The following KIR3DL3 variants were observed in gnomAD, a reference collection of about 807,000 sequenced individuals.
The protein encoded by KIR3DL3 is killer cell immunoglobulin like receptor, three Ig domains and long cytoplasmic tail 3.
Under a neutral mutation model 34.9 loss-of-function variants are expected in KIR3DL3, and 27 were observed. The ratio of observed to expected loss-of-function variants is 0.77; its 90% CI spans 0.57 to 1.07. The LOEUF (loss-of-function observed/expected upper bound fraction) is 1.07, where lower values mean the gene tolerates loss of function less well. Ranked by LOEUF, KIR3DL3 falls within the 50% of genes least tolerant of loss-of-function variation. KIR3DL3 has a pLI of 0.00. For synonymous variants in KIR3DL3, 217 were observed against 200.2 expected, an observed-to-expected ratio of 1.08 and a Z score of -0.71; for missense variants, 681 against 528.5, an observed-to-expected ratio of 1.29 and a Z score of -2.83.
intron 5 of KIR3DL3, among the ~76,000 whole-genome samples, chr19:54,731,091 C>T (rs1208679157): frequency 0.014 from 2,193 of 151,896 alleles, 56 homozygotes; most frequent in African/African-American, 0.05. Context: ...ACTGCAACCT[C>T]CACCTCCAGG....
At chr19:54,735,514 C>A (rs1156844041) in intron 6 of KIR3DL3, among the ~76,000 whole-genome samples, 157 bp downstream of exon 6, 4 of 134,812 alleles carry the variant, frequency 3.0e-5, no homozygotes, top group African/African-American at 1.2e-4. Flanking sequence ...GACTCCCTGC[C>A]TCTGCCTTCA....
chr19:54,726,136 C>A lies in KIR3DL3; in HGVS notation c.154C>A (p.Arg52Ser). Residue 52 changes from arginine to serine, a missense_variant, in exon 3 of 8, where the codon CGT (arginine) becomes AGT (serine). Physicochemically the swap from Arg to Ser is moderately radical, Grantham distance 110 (BLOSUM62 -1). Transcript: ENST00000291860. ...ACATGTGACTCTTCAGTGTCGCTCT[C>A]GTCTTGGGTTTAATGAATTCAGTCT... ...GQHVTLQCRS[R>S]LGFNEFSLSK... 6.2e-7 allele frequency: 1 copy of A among 1,613,070 alleles called. No individual in the cohort carries two copies. The highest frequency in any genetic ancestry group is 8.5e-7 in the Non-Finnish European group (1 of 1,179,570).
chr19:54,733,513 A>C (rs1276343930), intron 5 of KIR3DL3, among the ~76,000 whole-genome samples: 1 of 151,800 alleles, frequency 6.6e-6, no homozygotes, highest in African/African-American at 2.4e-5. Flanking sequence ...ACACAGGGGG[A>C]CTCTGTCTCA....
In KIR3DL3 at chr19:54,726,231, C is replaced by T. The variant is rs113216501; in HGVS notation, c.249C>T (p.Gly83=). 0.034 allele frequency: 55,590 copies of T among 1,613,834 alleles called. 1,149 individuals carry two copies. The highest frequency in any genetic ancestry group is 0.082 in the Middle Eastern group (496 of 6,060). Reference sequence around the variant, plus strand: ...TATTCCGGAACAGCTTTCTCATGGGCCCTGTGACCCCAGCACATGCAGGGA... The same window carrying T: ...TATTCCGGAACAGCTTTCTCATGGGTCCTGTGACCCCAGCACATGCAGGGA... The part of the protein sequence containing the change: ...NRIFRNSFLM[G]PVTPAHAGTY... The change falls in exon 3 of 8, where the codon GGC becomes GGT. Residue 83 remains glycine (G), a synonymous_variant. Coordinates refer to ENST00000291860, the MANE Select transcript of KIR3DL3 (RefSeq NM_153443.5).
At position 54,726,163 on chromosome 19, in the gene KIR3DL3, T is replaced by C. The variant is rs1463464552; in HGVS notation, c.181T>C (p.Ser61Pro). 6.2e-7 allele frequency: 1 copy of C among 1,613,044 alleles called. No individual in the cohort carries two copies. The highest frequency in any genetic ancestry group is 1.7e-5 in the Admixed American group (1 of 59,848). Residue 61 changes from serine to proline, a missense_variant, in exon 3 of 8, where the codon TCC (serine) becomes CCC (proline). By Grantham distance (74) the Ser-to-Pro change is moderately conservative (BLOSUM62 -1). Coordinates refer to ENST00000291860, the MANE Select transcript of KIR3DL3 (RefSeq NM_153443.5). ...SRLGFNEFSLSKEDGMPVPEL... is the reference protein window; with the variant it reads ...SRLGFNEFSLPKEDGMPVPEL... ...TCTTGGGTTTAATGAATTCAGTCTG[T>C]CCAAAGAAGACGGGATGCCTGTCCC...
rs371313603 is a variant in KIR3DL3, at chr19:54,735,919, A to G, written c.1107+47A>G. ...CTCGTGGCTAGTCTTATTCCCAAAG[A>G]GTCCTGGAAAATGTGAGCACCCTCC... is the stretch of plus-strand genomic sequence containing the variant. On this transcript the variant is annotated intron_variant, in intron 7 of 7. Transcript: ENST00000291860. 1.6e-5 allele frequency: 26 copies of G among 1,605,444 alleles called. No homozygotes were observed. In the African/African-American group the frequency reaches 2.1e-4, roughly 13 times the overall value.
rs2069583823 is a variant in KIR3DL3, at chr19:54,736,162, G to A, written c.*66G>A. 5.6e-5 allele frequency: 89 copies of A among 1,593,532 alleles called. No individual in the cohort carries two copies. The South Asian group carries it at 8.2e-4, about 15-fold the overall frequency. On this transcript the variant is annotated 3_prime_UTR_variant, in exon 8 of 8. Transcript: ENST00000291860. ...TTCTGTCCACTAGCACCACAGTCAGGCCTTGATGGGATCTTCTAGGGAGAC... is the reference window on the plus strand; with the variant it reads ...TTCTGTCCACTAGCACCACAGTCAGACCTTGATGGGATCTTCTAGGGAGAC...
At chr19:54,728,020 G>A (rs1242145429) in intron 4 of KIR3DL3, 110 bp downstream of exon 4, 6 of 1,122,840 alleles carry the variant, frequency 5.3e-6, no homozygotes, top group Non-Finnish European at 7.7e-6. Context: ...TTCCTATGGA[G>A]AGAAAGTGAC....
chr19:54,734,497 C>A (rs1379765453), intron 5 of KIR3DL3, among the ~76,000 whole-genome samples: 7 of 151,868 alleles, frequency 4.6e-5, no homozygotes, highest in Non-Finnish European at 1.0e-4. Context: ...AGCAGCCCAG[C>A]CTGGGTTTTG....
At chr19:54,735,081 G>A (rs533909615) in intron 5 of KIR3DL3, among the ~76,000 whole-genome samples, 172 bp from the exon 6 acceptor site, 5 of 147,448 alleles carry the variant, frequency 3.4e-5, no homozygotes, top group African/African-American at 1.2e-4. Context: ...TCCTCAGCAC[G>A]TTCTATGGTT....
At chr19:54,734,330 G>T (rs1438819199) in intron 5 of KIR3DL3, among the ~76,000 whole-genome samples, 3 of 151,292 alleles carry the variant, frequency 2.0e-5, no homozygotes, top group Non-Finnish European at 2.9e-5. Flanking sequence ...AGAACACACA[G>T]AGAACACATT....
chr19:54,736,134 G>A lies in KIR3DL3; in HGVS notation c.*38G>A. On this transcript the variant is annotated 3_prime_UTR_variant, in exon 8 of 8. Coordinates refer to ENST00000291860, the MANE Select transcript of KIR3DL3 (RefSeq NM_153443.5). ...AAATGCTGAGCGCAGATCCAAAGTT[G>A]TCTTCTGTCCACTAGCACCACAGTC... 1 of 1,608,270 alleles carries A rather than the reference G, an allele frequency of 6.2e-7. No individual in the cohort carries two copies. The highest frequency in any genetic ancestry group is 8.5e-7 in the Non-Finnish European group (1 of 1,178,232).
Position 54,736,276 on chromosome 19 carries a change from C to G in KIR3DL3, c.*180C>G. ...TGAGTCTGCATCTTAGGGCATCGCTCTTCCTCACACCACGAATCTGAACAT... is the reference window on the plus strand; with the variant it reads ...TGAGTCTGCATCTTAGGGCATCGCTGTTCCTCACACCACGAATCTGAACAT... On this transcript the variant is annotated 3_prime_UTR_variant, in exon 8 of 8. Transcript: ENST00000291860. 1 of 803,032 alleles carries G rather than the reference C, an allele frequency of 1.2e-6. No individual in the cohort carries two copies. Among genetic ancestry groups the G allele is most frequent in the Non-Finnish European group, 2.1e-6 (1 of 482,240 alleles). 49.7% of individuals were successfully genotyped at this position (803,032 alleles called of 1,614,324 possible).
In KIR3DL3 at chr19:54,736,290, G is replaced by A. The variant is rs28715339; in HGVS notation, c.*194G>A. On this transcript the variant is annotated 3_prime_UTR_variant, in exon 8 of 8. Transcript: ENST00000291860. ...AGGGCATCGCTCTTCCTCACACCAC[G>A]AATCTGAACATGCCTCTCTCTTGCT... is the stretch of plus-strand genomic sequence containing the variant. 2.1e-3 allele frequency: 1,524 copies of A among 713,954 alleles called. 43 individuals carry two copies. The highest frequency in any genetic ancestry group is 2.9e-3 in the Non-Finnish European group (1,216 of 419,396). 44.2% of individuals were successfully genotyped at this position (713,954 alleles called of 1,614,324 possible).
At chr19:54,730,586 T>A (rs1182072901) in intron 5 of KIR3DL3, among the ~76,000 whole-genome samples, 3 of 151,680 alleles carry the variant, frequency 2.0e-5, no homozygotes, top group Non-Finnish European at 4.4e-5. Context: ...AATTAATTAA[T>A]TAATTAATTA....
At chr19:54,735,211 C>T (rs1260096003) in intron 5 of KIR3DL3, 42 bp from the exon 6 acceptor site, 2 of 1,338,142 alleles carry the variant, frequency 1.5e-6, no homozygotes, top group South Asian at 1.2e-5. Flanking sequence ...TATAGAGGAA[C>T]TGCTATGATT....
chr19:54,732,215 A>G (rs2068877195), intron 5 of KIR3DL3, among the ~76,000 whole-genome samples: 2 of 151,510 alleles, frequency 1.3e-5, no homozygotes, highest in South Asian at 4.2e-4. Context: ...GCATCTGTGC[A>G]CCAAATCTGG....
chr19:54,727,640 C>T lies in KIR3DL3; in HGVS notation c.385C>T (p.His129Tyr). The change falls in exon 4 of 8, where the codon CAC (histidine) becomes TAC (tyrosine). Residue 129 changes from histidine to tyrosine, a missense_variant. Physicochemically the swap from His to Tyr is moderately conservative, Grantham distance 83. Coordinates refer to ENST00000291860, the MANE Select transcript of KIR3DL3 (RefSeq NM_153443.5). ...GVHRKPSLLA[H>Y]PGPLVKSGET... ...CCACAGAAAACCTTCCCTCCTGGCC[C>T]ACCCAGGTCCCCTGGTGAAATCAGG... The T allele has an allele frequency of 6.2e-7, 1 of 1,611,906 alleles. No homozygotes were observed. Among genetic ancestry groups the T allele is most frequent in the East Asian group, 2.2e-5 (1 of 44,694 alleles).
At chr19:54,729,349 A>C in intron 4 of KIR3DL3, 144 bp from the exon 5 acceptor site, 1 of 951,386 alleles carries the variant, frequency 1.1e-6, no homozygotes, top group Non-Finnish European at 1.6e-6. Context: ...GAGGAAATAG[A>C]CATGAAGAGA....
Sources: gnomAD v4.1 joint callset for allele counts (sites outside exome capture counted in the v4.1 genomes callset) on GRCh38, gnomAD v4.1.1 for gene constraint, MANE v1.5 for transcripts, NCBI Gene and HGNC (gene_info 2026-07-23, HGNC 2026-07-21) for gene names.